The following GMDS variants were observed in gnomAD, a reference collection of about 807,000 sequenced individuals.
GMDS encodes the protein GDP-mannose 4,6-dehydratase.
Under a neutral mutation model 49.9 loss-of-function variants are expected in GMDS, and 20 were observed. The observed-to-expected ratio is 0.40, with a 90% CI of 0.28 to 0.58. The LOEUF (loss-of-function observed/expected upper bound fraction) is 0.58. Ranked by LOEUF, GMDS falls within the 20% of genes least tolerant of loss-of-function variation. The probability of loss-of-function intolerance (pLI) is 0.42; values close to 1 mark genes in which losing one functional copy is unlikely to be tolerated. For synonymous variants in GMDS, 177 were observed against 178.6 expected, an observed-to-expected ratio of 0.99 and a Z score of 0.07; for missense variants, 362 against 481.4, an observed-to-expected ratio of 0.75 and a Z score of 2.32.
intron 4 of GMDS, among the ~76,000 whole-genome samples, chr6:2,046,485 G>A (rs1274789719): frequency 6.6e-6 from 1 of 151,978 alleles, no homozygotes; most frequent in Non-Finnish European, 1.5e-5. Flanking sequence ...TTGGACACAG[G>A]GTCTCACTCT....
intron 7 of GMDS, among the ~76,000 whole-genome samples, chr6:1,915,256 TG>T (rs142455128): frequency 1.8e-4 from 28 of 152,332 alleles, no homozygotes; most frequent in Non-Finnish European, 3.7e-4. Context: ...AGGGGCCAGA[TG>T]CAAGCATTGT....
At chr6:2,212,239 G>A (rs1324676706) in intron 1 of GMDS, among the ~76,000 whole-genome samples, 2 of 152,136 alleles carry the variant, frequency 1.3e-5, no homozygotes, top group Non-Finnish European at 1.5e-5. Flanking sequence ...ACTAACTCCT[G>A]CAGTGGCTCT....
chr6:1,655,457 TC>T lies in GMDS; in HGVS notation c.988-30918del, dbSNP rs1250452390. Among the ~76,000 whole-genome samples the T allele has an allele frequency of 2.2e-4, 33 of 151,962 alleles. 1 individual carries two copies. The highest frequency in any genetic ancestry group is 1.2e-3 in the South Asian group (6 of 4,814). ...TGTAAAATATTTACATTAGTTTTTTTCCTTACGTTTGAAAGCCTTACACACA... is the reference window on the plus strand; with the variant it reads ...TGTAAAATATTTACATTAGTTTTTTTCTTACGTTTGAAAGCCTTACACACA... On this transcript the variant is annotated intron_variant, in intron 9 of 10. Transcript: ENST00000380815.
In GMDS at chr6:1,624,315, G is replaced by C. The variant is rs541042257; in HGVS notation, c.1057-84C>G. ...CCACCCCGGGTGTCGGCCCCAGAGA[G>C]GCCTCCGCGTCCCTCGTTCCAGCTC... On this transcript the variant is annotated intron_variant, in intron 10 of 10. Transcript: ENST00000380815. 29 of 1,368,066 alleles carry C rather than the reference G, an allele frequency of 2.1e-5. No homozygotes were observed. The East Asian group carries it at 6.8e-4, about 32-fold the overall frequency. 84.7% of individuals were successfully genotyped at this position (1,368,066 alleles called of 1,614,324 possible).
At chr6:1,740,789 C>A (rs1767239048) in intron 8 of GMDS, among the ~76,000 whole-genome samples, 1 of 151,970 alleles carries the variant, frequency 6.6e-6, no homozygotes, top group Non-Finnish European at 1.5e-5. Context: ...TTTATATCTT[C>A]TTGCTTCCTA....
chr6:2,106,877 A>C (rs1774274269), intron 4 of GMDS, among the ~76,000 whole-genome samples: 1 of 152,110 alleles, frequency 6.6e-6, no homozygotes, highest in South Asian at 2.1e-4. Flanking sequence ...AAAGAAAAAA[A>C]AAAGGAAAAG....
intron 8 of GMDS, among the ~76,000 whole-genome samples, chr6:1,733,202 A>C (rs1766882302): frequency 6.6e-6 from 1 of 152,242 alleles, no homozygotes; most frequent in African/African-American, 2.4e-5. Context: ...TCTGCAGAGA[A>C]GACAGAGCAG....
At chr6:2,245,252 T>C (rs1386429767) in intron 1 of GMDS, 69 bp downstream of exon 1, 13 of 1,061,394 alleles carry the variant, frequency 1.2e-5, no homozygotes, top group Admixed American at 2.0e-5. Context: ...AGCCCACGAG[T>C]AGCGGCGCGT....
At chr6:1,878,740 G>GTA (rs1217490946) in intron 7 of GMDS, among the ~76,000 whole-genome samples, 2 of 152,104 alleles carry the variant, frequency 1.3e-5, no homozygotes, top group Admixed American at 6.5e-5. Context: ...ATTTTCTATA[G>GTA]TATATAGTAC....
At chr6:1,791,564 G>C (rs909756362) in intron 7 of GMDS, among the ~76,000 whole-genome samples, 1 of 152,118 alleles carries the variant, frequency 6.6e-6, no homozygotes, top group East Asian at 1.9e-4. Context: ...TAGGAGTTAC[G>C]GCTTCAACAT....
chr6:1,946,660 G>T (rs931496933), intron 6 of GMDS, among the ~76,000 whole-genome samples: 3 of 152,120 alleles, frequency 2.0e-5, no homozygotes, highest in Non-Finnish European at 4.4e-5. Context: ...AAAGAAAGGG[G>T]GATATGCTGA....
intron 1 of GMDS, among the ~76,000 whole-genome samples, chr6:2,150,837 C>G (rs1485993122): frequency 6.6e-6 from 1 of 152,174 alleles, no homozygotes; most frequent in African/African-American, 2.4e-5. Flanking sequence ...ATACCTAATA[C>G]AAGCTATCTC....
chr6:1,811,540 T>C (rs1770427610), intron 7 of GMDS, among the ~76,000 whole-genome samples: 1 of 151,546 alleles, frequency 6.6e-6, no homozygotes. Context: ...AATTAAAATA[T>C]TTAGACTAGT....
chr6:2,198,421 T>C (rs1437457694), intron 1 of GMDS, among the ~76,000 whole-genome samples: 2 of 152,204 alleles, frequency 1.3e-5, no homozygotes, highest in South Asian at 4.1e-4. Flanking sequence ...CATAAACCAA[T>C]GTACCTTGTG....
At chr6:1,995,844 T>A (rs1766244237) in intron 4 of GMDS, among the ~76,000 whole-genome samples, 1 of 151,904 alleles carries the variant, frequency 6.6e-6, no homozygotes, top group Non-Finnish European at 1.5e-5. Flanking sequence ...CTGGTCCTGC[T>A]TAACTGCCTG....
chr6:2,058,761 G>T (rs183724891), intron 4 of GMDS, among the ~76,000 whole-genome samples: 13 of 152,310 alleles, frequency 8.5e-5, no homozygotes, highest in African/African-American at 3.1e-4. Context: ...AGCGACGGCT[G>T]CGAAGGAGAT....
At chr6:1,793,316 T>G (rs1338173965) in intron 7 of GMDS, among the ~76,000 whole-genome samples, 1 of 152,192 alleles carries the variant, frequency 6.6e-6, no homozygotes. Flanking sequence ...GTTCTAGGGA[T>G]AGAGATAGAG....
At chr6:2,090,746 T>C (rs771552120) in intron 4 of GMDS, among the ~76,000 whole-genome samples, 2 of 152,188 alleles carry the variant, frequency 1.3e-5, no homozygotes, top group Non-Finnish European at 2.9e-5. Context: ...TTTGAACGAC[T>C]CTTCTGCAAC....
intron 4 of GMDS, among the ~76,000 whole-genome samples, chr6:2,054,940 T>C (rs971829289): frequency 6.6e-6 from 1 of 152,020 alleles, no homozygotes; most frequent in Non-Finnish European, 1.5e-5. Context: ...ATAAGTTTCA[T>C]CAAGGTTATA....
Sources: allele counts gnomAD v4.1 joint callset (sites outside exome capture counted in the v4.1 genomes callset), GRCh38; gene constraint gnomAD v4.1.1; transcripts MANE v1.5; gene names NCBI Gene and HGNC (gene_info 2026-07-23, HGNC 2026-07-21).